PIK3C2B: variants seen among roughly 807,000 people sequenced by gnomAD.
PIK3C2B encodes phosphatidylinositol 4-phosphate 3-kinase C2 domain-containing subunit beta.
In PIK3C2B, 83 loss-of-function variants were observed where a neutral mutation model predicts 184.3. The ratio of observed to expected loss-of-function variants is 0.45; its 90% CI spans 0.38 to 0.54. The LOEUF (loss-of-function observed/expected upper bound fraction) is 0.54. Ranked by LOEUF, PIK3C2B falls within the 20% of genes least tolerant of loss-of-function variation. PIK3C2B has a pLI of 0.00. For synonymous variants in PIK3C2B, 779 were observed against 837.6 expected (o/e 0.93, Z 1.21); for missense variants, 1,736 against 2,113.5 (o/e 0.82, Z 3.50).
chr1:204,459,322 T>C (rs1252346973), intron 8 of PIK3C2B, among the ~76,000 whole-genome samples: 1 of 152,216 alleles, frequency 6.6e-6, no homozygotes, highest in East Asian at 1.9e-4. Flanking sequence ...CAGCAAGGGA[T>C]TATTTTTGAA....
intron 1 of PIK3C2B, among the ~76,000 whole-genome samples, chr1:204,478,853 T>C (rs1472256763): frequency 6.6e-6 from 1 of 152,224 alleles, no homozygotes; most frequent in Non-Finnish European, 1.5e-5. Context: ...GACAGAAGCT[T>C]GGAGCCTGTG....
chr1:204,424,646 C>A lies in PIK3C2B; in HGVS notation c.*206G>T, dbSNP rs907162886. Reference sequence around the variant, plus strand: ...GCCTCCAAGGGGCTGCTCATCACAACCAACCCAAGTTCAGTCTCCAGAGGA... The same window carrying A: ...GCCTCCAAGGGGCTGCTCATCACAAACAACCCAAGTTCAGTCTCCAGAGGA... On this transcript the variant is annotated 3_prime_UTR_variant, in exon 33 of 33. Transcript: ENST00000684373. 1 of 740,486 alleles carries A rather than the reference C, an allele frequency of 1.4e-6. No homozygotes were observed. The highest frequency in any genetic ancestry group is 2.5e-6 in the Non-Finnish European group (1 of 404,162). 45.9% of individuals were successfully genotyped at this position (740,486 alleles called of 1,614,324 possible). A position where few individuals can be genotyped will look rare whatever the true frequency, so the allele number is the denominator to read the frequency against.
intron 1 of PIK3C2B, among the ~76,000 whole-genome samples, chr1:204,485,849 C>T (rs938472245): frequency 1.3e-5 from 2 of 151,924 alleles, no homozygotes; most frequent in African/African-American, 4.8e-5. Context: ...AGGATTACAG[C>T]CGTGAGCCAC....
intron 22 of PIK3C2B, among the ~76,000 whole-genome samples, chr1:204,439,542 C>G (rs559794335): frequency 1.3e-5 from 2 of 152,304 alleles, no homozygotes; most frequent in African/African-American, 2.4e-5. Context: ...AGACACCATG[C>G]CATTGTCACA....
rs879038121 is a variant in PIK3C2B at position 204,469,814 on chromosome 1, G to A, written c.-12C>T. On this transcript the variant is annotated 5_prime_UTR_variant, in exon 2 of 33. Transcript: ENST00000684373. ...TGAGTCGAAGACATGGTGAGGATGGGGGACACAGGCAACAAAGTCTCTACT... is the reference window on the plus strand; with the variant it reads ...TGAGTCGAAGACATGGTGAGGATGGAGGACACAGGCAACAAAGTCTCTACT... The A allele has an allele frequency of 1.3e-6, 2 of 1,593,740 alleles. No individual in the cohort carries two copies. Among genetic ancestry groups the A allele is most frequent in the South Asian group, 2.2e-5 (2 of 90,588 alleles).
chr1:204,472,258 G>A (rs895012134), intron 1 of PIK3C2B, among the ~76,000 whole-genome samples: 1 of 151,140 alleles, frequency 6.6e-6, no homozygotes, highest in Non-Finnish European at 1.5e-5. Context: ...CCACCTCCCA[G>A]GTTCATGCCA....
chr1:204,455,017 G>A (rs1375492536), intron 11 of PIK3C2B, among the ~76,000 whole-genome samples: 1 of 152,232 alleles, frequency 6.6e-6, no homozygotes, highest in African/African-American at 2.4e-5. Context: ...GCTCCATTCT[G>A]AGCCTTGTTG....
intron 15 of PIK3C2B, 141 bp from the exon 16 acceptor site, chr1:204,446,285 T>C (rs1653858305): frequency 2.1e-6 from 1 of 481,776 alleles, no homozygotes; most frequent in African/African-American, 2.0e-5. Flanking sequence ...CTTTGCTGCA[T>C]ATGACACCCA....
chr1:204,450,518 C>T (rs1014970421), intron 12 of PIK3C2B, among the ~76,000 whole-genome samples: 1 of 152,080 alleles, frequency 6.6e-6, no homozygotes, highest in Non-Finnish European at 1.5e-5. Flanking sequence ...CACCCTCCCC[C>T]ACAGCCCTCT....
Position 204,438,986 on chromosome 1 carries a change from G to A in PIK3C2B, c.3465C>T (p.Pro1155=), listed in dbSNP as rs984590197. Residue 1155 remains proline, a synonymous_variant, in exon 23 of 33, where the codon CCC becomes CCT. Coordinates refer to ENST00000684373, the MANE Select transcript of PIK3C2B (RefSeq NM_001377334.1). ...HGVTGSFKDR[P]LADWLQKHNP... is the part of the protein sequence containing the mutation. ...TGTGTTTCTGCAGCCAGTCTGCCAGGGGCCGGTCCTTGAACGAGCCGGTCA... is the reference window on the plus strand; with the variant it reads ...TGTGTTTCTGCAGCCAGTCTGCCAGAGGCCGGTCCTTGAACGAGCCGGTCA... 9 of 1,614,006 alleles carry A rather than the reference G, an allele frequency of 5.6e-6. No individual in the cohort carries two copies. Among genetic ancestry groups the A allele is most frequent in the Non-Finnish European group, 7.6e-6 (9 of 1,180,036 alleles).
At position 204,433,408 on chromosome 1, in the gene PIK3C2B, G is replaced by T; in HGVS notation, c.3861C>A (p.Ile1287=). ...GGTCCTCCAGGTCTGAGAGTTCAGG[G>T]ATCCCACAGGACAACATCTAGAAGG... ...NLLGLMLSCG[I]PELSDLEDLK... Residue 1287 remains isoleucine, a synonymous_variant, in exon 26 of 33, where the codon ATC becomes ATA. Transcript: ENST00000684373. This position sits in a 1 kb window ranked among gnomAD's most constrained non-coding sequence, Gnocchi z 5.0. 1 of 1,602,204 alleles carries T rather than the reference G, an allele frequency of 6.2e-7. No homozygotes were observed. Among genetic ancestry groups the T allele is most frequent in the Non-Finnish European group, 8.6e-7 (1 of 1,169,206 alleles).
At chr1:204,476,678 G>A (rs547278187) in intron 1 of PIK3C2B, among the ~76,000 whole-genome samples, 46 of 152,344 alleles carry the variant, frequency 3.0e-4, no homozygotes, top group African/African-American at 1.1e-3. Flanking sequence ...CAGGGCCTGC[G>A]TCTCTGCTAC....
intron 1 of PIK3C2B, among the ~76,000 whole-genome samples, chr1:204,472,912 C>T (rs1399481427): frequency 1.3e-5 from 2 of 152,326 alleles, no homozygotes; most frequent in East Asian, 3.9e-4. Flanking sequence ...AACTGTGGAT[C>T]TATGAATGTG....
chr1:204,453,475 GA>G (rs1654547031), intron 12 of PIK3C2B, among the ~76,000 whole-genome samples: 1 of 152,182 alleles, frequency 6.6e-6, no homozygotes, highest in Non-Finnish European at 1.5e-5. Flanking sequence ...AACTGCCTCT[GA>G]GTGAAACCAA....
chr1:204,480,991 T>G (rs1271075351), intron 1 of PIK3C2B, among the ~76,000 whole-genome samples: 1 of 151,972 alleles, frequency 6.6e-6, no homozygotes, highest in Non-Finnish European at 1.5e-5. Flanking sequence ...CCCTAATAGA[T>G]TACAGTCACT....
rs116461271 is a variant in PIK3C2B, at chr1:204,464,523, G to A, written c.1116C>T (p.Leu372=). The change falls in exon 4 of 33, where the codon CTC becomes CTT. Residue 372 remains leucine, a synonymous_variant. Coordinates refer to ENST00000684373, the MANE Select transcript of PIK3C2B (RefSeq NM_001377334.1). ...WSAVTPSPEH[L]GDEVNLKVTV... is the part of the protein sequence containing the mutation. Reference sequence around the variant, plus strand: ...TCACCTTCAGGTTGACCTCATCCCCGAGGTGCTCTGGGCTAGGGGTGACAG... The same window carrying A: ...TCACCTTCAGGTTGACCTCATCCCCAAGGTGCTCTGGGCTAGGGGTGACAG... 5.8e-5 allele frequency: 94 copies of A among 1,613,824 alleles called. No individual in the cohort carries two copies. The highest frequency in any genetic ancestry group is 9.3e-5 in the African/African-American group (7 of 75,026).
At position 204,464,436 on chromosome 1, in the gene PIK3C2B, C is replaced by G. The variant is rs78921803; in HGVS notation, c.1189+14G>C. ...CAAGGGATGCTCACATCCTCTCCCC[C>G]CTCACTAACTTACAGTTGCAGGTGA... is the stretch of plus-strand genomic sequence containing the variant. On this transcript the variant is annotated intron_variant, in intron 4 of 32. Transcript: ENST00000684373. 5.6e-6 allele frequency: 9 copies of G among 1,610,334 alleles called. No homozygotes were observed. The highest frequency in any genetic ancestry group is 3.3e-5 in the Admixed American group (2 of 59,748).
At chr1:204,470,057 C>A (rs1462768881) in intron 1 of PIK3C2B, among the ~76,000 whole-genome samples, 171 bp from the exon 2 acceptor site, 1 of 152,092 alleles carries the variant, frequency 6.6e-6, no homozygotes, top group Non-Finnish European at 1.5e-5. Context: ...GACAACTTTA[C>A]CTATTTATTA....
chr1:204,424,539 T>A lies in PIK3C2B; in HGVS notation c.*313A>T. ...CACCCACCCCCAAAATGCTACTTCATACAGCCCACCCCACACACTCCCCAA... is the reference window on the plus strand; with the variant it reads ...CACCCACCCCCAAAATGCTACTTCAAACAGCCCACCCCACACACTCCCCAA... On this transcript the variant is annotated 3_prime_UTR_variant, in exon 33 of 33. Coordinates refer to ENST00000684373, the MANE Select transcript of PIK3C2B (RefSeq NM_001377334.1). The A allele has an allele frequency of 8.9e-6, 3 of 335,862 alleles. No homozygotes were observed. The highest frequency in any genetic ancestry group is 1.2e-5 in the Non-Finnish European group (2 of 170,186). 20.8% of individuals were successfully genotyped at this position (335,862 alleles called of 1,614,324 possible). A position where few individuals can be genotyped will look rare whatever the true frequency, so the allele number is the denominator to read the frequency against.
Sources: allele counts gnomAD v4.1 joint callset (sites outside exome capture counted in the v4.1 genomes callset), GRCh38; gene constraint gnomAD v4.1.1; non-coding constraint Gnocchi (gnomAD v3.1); transcripts MANE v1.5; gene names NCBI Gene and HGNC (gene_info 2026-07-23, HGNC 2026-07-21).